Variants in THSD7A observed in about 807,000 individuals in gnomAD.
THSD7A encodes the protein thrombospondin type-1 domain-containing protein 7A.
Under a neutral mutation model 231.3 loss-of-function variants are expected in THSD7A, and 96 were observed. The observed-to-expected ratio is 0.41, with a 90% CI of 0.35 to 0.49. The LOEUF (loss-of-function observed/expected upper bound fraction) is 0.49. THSD7A is among the 20% of genes least tolerant of loss of function. THSD7A has a pLI of 0.05. For synonymous variants in THSD7A, 940 were observed against 743.3 expected, an observed-to-expected ratio of 1.26 and a Z score of -4.30; for missense variants, 2,290 against 2,070.2, an observed-to-expected ratio of 1.11 and a Z score of -2.06.
At chr7:11,396,756 G>A (rs962200642) in intron 23 of THSD7A, among the ~76,000 whole-genome samples, 48 of 152,140 alleles carry the variant, frequency 3.2e-4, no homozygotes, top group African/African-American at 1.2e-3. Flanking sequence ...TATAAAAAGA[G>A]GGACTCCTCC....
rs1202892268 is a variant in THSD7A, at chr7:11,406,955, A to G, written c.4017T>C (p.Pro1339=). ...ACTGGCCATATTGCCACCGATAACA[A>G]GGCTTCACTGGGCAGGGTTTGGACT... The part of the protein sequence containing the change: ...MDQSKPCPVK[P]CYRWQYGQWS... Residue 1339 remains proline, a synonymous_variant, in exon 21 of 28, where the codon CCT becomes CCC. Coordinates refer to ENST00000423059, the MANE Select transcript of THSD7A (RefSeq NM_015204.3). This position sits in a 1 kb window ranked among gnomAD's most constrained non-coding sequence, Gnocchi z 4.7. 2 of 1,613,728 alleles carry G rather than the reference A, an allele frequency of 1.2e-6. No homozygotes were observed. The highest frequency in any genetic ancestry group is 1.3e-5 in the African/African-American group (1 of 74,920).
At chr7:11,597,711 T>A (rs1228523311) in intron 2 of THSD7A, among the ~76,000 whole-genome samples, 1 of 152,196 alleles carries the variant, frequency 6.6e-6, no homozygotes, top group Non-Finnish European at 1.5e-5. Flanking sequence ...CCATGTGACC[T>A]GAACTGCCTA....
intron 1 of THSD7A, among the ~76,000 whole-genome samples, chr7:11,789,914 G>A (rs766986620): frequency 5.3e-5 from 8 of 151,868 alleles, no homozygotes; most frequent in Non-Finnish European, 1.2e-4. Context: ...ATGGACTTCC[G>A]TGTCTCCAAT....
intron 23 of THSD7A, among the ~76,000 whole-genome samples, chr7:11,397,873 T>C (rs1420220219): frequency 6.6e-6 from 1 of 152,100 alleles, no homozygotes; most frequent in East Asian, 1.9e-4. Context: ...CCAATTAGAA[T>C]AGTGATCATT....
At chr7:11,683,129 A>G (rs1191743188) in intron 1 of THSD7A, among the ~76,000 whole-genome samples, 1 of 151,942 alleles carries the variant, frequency 6.6e-6, no homozygotes, top group Non-Finnish European at 1.5e-5. Context: ...TCAAAAAAAA[A>G]AAAAAAAATC....
rs543012657 is a variant in THSD7A at position 11,724,700 on chromosome 7, A to G, written c.191-87739T>C. Among the ~76,000 whole-genome samples the G allele has an allele frequency of 4.6e-5, 7 of 152,064 alleles. No individual in the cohort carries two copies. In the South Asian group the frequency reaches 1.5e-3, roughly 32 times the overall value. On this transcript the variant is annotated intron_variant, in intron 1 of 27. Transcript: ENST00000423059. Reference sequence around the variant, plus strand: ...AAGAAAATCATTTTAAAATGGAAAAAGTCATTTTTAGATTTAAGAAAAATT... The same window carrying G: ...AAGAAAATCATTTTAAAATGGAAAAGGTCATTTTTAGATTTAAGAAAAATT...
At chr7:11,490,075 A>G (rs886170012) in intron 6 of THSD7A, among the ~76,000 whole-genome samples, 1 of 152,096 alleles carries the variant, frequency 6.6e-6, no homozygotes, top group African/African-American at 2.4e-5. Flanking sequence ...GTTTCTGTTC[A>G]TATATTTATG....
intron 1 of THSD7A, among the ~76,000 whole-genome samples, chr7:11,710,334 T>G (rs1033461832): frequency 2.0e-5 from 3 of 150,914 alleles, no homozygotes; most frequent in African/African-American, 7.3e-5. Flanking sequence ...ATGTACTTCC[T>G]GTAACTCACA....
intron 6 of THSD7A, among the ~76,000 whole-genome samples, chr7:11,483,732 C>CT (rs1363229904): frequency 1.3e-5 from 2 of 151,972 alleles, no homozygotes; most frequent in Admixed American, 1.3e-4. Context: ...TACCATCTAC[C>CT]TTCTCTCACT....
chr7:11,436,058 G>A (rs1204557650), intron 13 of THSD7A, among the ~76,000 whole-genome samples: 2 of 151,808 alleles, frequency 1.3e-5, no homozygotes, highest in Non-Finnish European at 2.9e-5. Flanking sequence ...ACAAACCTTG[G>A]GAATCATTAC....
At chr7:11,815,715 A>G (rs143362748) in intron 1 of THSD7A, among the ~76,000 whole-genome samples, 1 of 152,256 alleles carries the variant, frequency 6.6e-6, no homozygotes, top group East Asian at 1.9e-4. Flanking sequence ...AACATTTACA[A>G]ATATATTCTT....
Position 11,831,686 on chromosome 7 carries a change from C to T in THSD7A, c.190+71G>A. Reference sequence around the variant, plus strand: ...CCATCCAAAAGCACCGGGGTCCCTACAGAAGCCCACCAGCTCCTTAATGTG... The same window carrying T: ...CCATCCAAAAGCACCGGGGTCCCTATAGAAGCCCACCAGCTCCTTAATGTG... On this transcript the variant is annotated intron_variant, in intron 1 of 27. Transcript: ENST00000423059. This position sits in a 1 kb window ranked among gnomAD's most constrained non-coding sequence, Gnocchi z 5.0. The T allele has an allele frequency of 1.7e-6, 2 of 1,197,424 alleles. No homozygotes were observed. Among genetic ancestry groups the T allele is most frequent in the Non-Finnish European group, 2.1e-6 (2 of 930,768 alleles). 74.2% of individuals were successfully genotyped at this position (1,197,424 alleles called of 1,614,324 possible).
intron 1 of THSD7A, among the ~76,000 whole-genome samples, chr7:11,684,143 T>C (rs575467182): frequency 1.3e-5 from 2 of 151,786 alleles, no homozygotes; most frequent in Non-Finnish European, 2.9e-5. Flanking sequence ...TCCATGATAA[T>C]CTCAAAAGAC....
chr7:11,552,329 C>T (rs1789665581), intron 4 of THSD7A, among the ~76,000 whole-genome samples: 1 of 151,934 alleles, frequency 6.6e-6, no homozygotes, highest in African/African-American at 2.4e-5. Context: ...AAAAAAAATA[C>T]ACACACACTC....
At chr7:11,389,421 CTTTTTTTTTTTTTTTTTTTTTTT>C (rs57755425) in intron 23 of THSD7A, among the ~76,000 whole-genome samples, 14 of 37,610 alleles carry the variant, frequency 3.7e-4, no homozygotes, top group East Asian at 3.5e-3. Context: ...GCAACTCCTG[CTTTTTTTTTTTTTTTTTTTTTTT>C]TTTTTTTTTT....
chr7:11,537,234 T>C (rs1420649295), intron 6 of THSD7A, among the ~76,000 whole-genome samples: 51 of 152,060 alleles, frequency 3.4e-4, no homozygotes, highest in Admixed American at 3.3e-3. Context: ...AAGAAATTGG[T>C]GGTAAAAAGT....
chr7:11,629,694 C>A (rs1007380591), intron 2 of THSD7A, among the ~76,000 whole-genome samples: 1 of 152,140 alleles, frequency 6.6e-6, no homozygotes, highest in Non-Finnish European at 1.5e-5. Context: ...CCCAAGACTG[C>A]GGAGAGCTGC....
At chr7:11,393,008 T>C (rs1276459727) in intron 23 of THSD7A, among the ~76,000 whole-genome samples, 1 of 152,160 alleles carries the variant, frequency 6.6e-6, no homozygotes, top group East Asian at 1.9e-4. Context: ...AAGAGAGCAG[T>C]AGATCTCCCA....
At chr7:11,793,052 T>G (rs2128178608) in intron 1 of THSD7A, among the ~76,000 whole-genome samples, 1 of 152,070 alleles carries the variant, frequency 6.6e-6, no homozygotes, top group Non-Finnish European at 1.5e-5. Flanking sequence ...CAGAAAAAGT[T>G]ATATAAAACT....
Sources: gnomAD v4.1 joint callset for allele counts (sites outside exome capture counted in the v4.1 genomes callset) on GRCh38, gnomAD v4.1.1 for gene constraint, Gnocchi (gnomAD v3.1) non-coding constraint, MANE v1.5 for transcripts, NCBI Gene and HGNC (gene_info 2026-07-23, HGNC 2026-07-21) for gene names.